The following SLC9A9 variants were observed in gnomAD, a reference collection of about 807,000 sequenced individuals.
SLC9A9 encodes the protein sodium/hydrogen exchanger 9.
SLC9A9 carries 62 observed loss-of-function variants against 77.8 expected under a neutral mutation model. The ratio of observed to expected loss-of-function variants is 0.80; its 90% CI spans 0.65 to 0.98. The LOEUF (loss-of-function observed/expected upper bound fraction) is 0.98. Ranked by LOEUF, SLC9A9 falls within the 50% of genes least tolerant of loss-of-function variation. SLC9A9 has a pLI of 0.00. For synonymous variants in SLC9A9, 320 were observed against 283.5 expected, an observed-to-expected ratio of 1.13 and a Z score of -1.29; for missense variants, 775 against 774.9, an observed-to-expected ratio of 1.00 and a Z score of 0.00.
rs534235410 is a variant in SLC9A9 at position 143,363,410 on chromosome 3, C to T, written c.1604+74G>A. On this transcript the variant is annotated intron_variant, in intron 14 of 15. Transcript: ENST00000316549. ...GTTTCTTGAAGAGCAGGAGTGCACACTTCAATGATTAAGAGCTTAAAGTAA... is the reference window on the plus strand; with the variant it reads ...GTTTCTTGAAGAGCAGGAGTGCACATTTCAATGATTAAGAGCTTAAAGTAA... 3.6e-6 allele frequency: 5 copies of T among 1,383,894 alleles called. No homozygotes were observed. The East Asian group carries it at 7.0e-5, about 19-fold the overall frequency. The allele number at this position is 1,383,894 out of a possible 1,614,324, so 85.7% of individuals were successfully genotyped here. A position where few individuals can be genotyped will look rare whatever the true frequency, so the allele number is the denominator to read the frequency against.
chr3:143,738,281 C>T (rs112992422), intron 4 of SLC9A9, among the ~76,000 whole-genome samples: 1,556 of 152,212 alleles, frequency 0.01, 21 homozygotes, highest in African/African-American at 0.035. Flanking sequence ...AGGGCAGTAC[C>T]GGATAGTCAC....
At chr3:143,475,255 C>T (rs373948823) in intron 11 of SLC9A9, among the ~76,000 whole-genome samples, 6 of 152,010 alleles carry the variant, frequency 3.9e-5, no homozygotes, top group South Asian at 4.2e-4. Context: ...GCGTGAGCCA[C>T]TGTGCCTGGC....
intron 12 of SLC9A9, among the ~76,000 whole-genome samples, chr3:143,438,283 G>C (rs2034663190): frequency 6.6e-6 from 1 of 152,180 alleles, no homozygotes; most frequent in Non-Finnish European, 1.5e-5. Context: ...GGAGGCAGTG[G>C]GGAGCTCAGT....
intron 2 of SLC9A9, 44 bp from the exon 3 acceptor site, chr3:143,796,947 G>C (rs1479575815): frequency 6.8e-7 from 1 of 1,463,872 alleles, no homozygotes; most frequent in Non-Finnish European, 9.5e-7. Flanking sequence ...ATGCTCCTTT[G>C]GGTCATTAAA....
intron 11 of SLC9A9, among the ~76,000 whole-genome samples, chr3:143,476,464 T>A (rs116468301): frequency 1.6e-3 from 250 of 152,370 alleles, no homozygotes; most frequent in African/African-American, 4.9e-3. Flanking sequence ...TAAATAGGAT[T>A]AGCTCTGTCA....
At chr3:143,839,505 CA>C (rs2009653453) in intron 1 of SLC9A9, among the ~76,000 whole-genome samples, 2 of 3,802 alleles carry the variant, frequency 5.3e-4, no homozygotes, top group Non-Finnish European at 0.02. Flanking sequence ...CACACATACA[CA>C]CACACACACA....
chr3:143,568,791 C>T (rs929480170), intron 8 of SLC9A9, among the ~76,000 whole-genome samples: 1 of 152,104 alleles, frequency 6.6e-6, no homozygotes, highest in Non-Finnish European at 1.5e-5. Flanking sequence ...TAACTTCTGC[C>T]CATTAATCCT....
intron 9 of SLC9A9, among the ~76,000 whole-genome samples, chr3:143,550,972 CTT>C (rs1292621898): frequency 6.6e-6 from 1 of 152,214 alleles, no homozygotes; most frequent in Non-Finnish European, 1.5e-5. Context: ...CAAAATGTGA[CTT>C]TACTTGGAAA....
At chr3:143,458,598 T>C (rs1044214016) in intron 12 of SLC9A9, among the ~76,000 whole-genome samples, 1 of 152,114 alleles carries the variant, frequency 6.6e-6, no homozygotes, top group Non-Finnish European at 1.5e-5. Flanking sequence ...ATTGTGTATG[T>C]GTTTTAGTGG....
intron 14 of SLC9A9, among the ~76,000 whole-genome samples, chr3:143,330,131 CT>C (rs1250771580): frequency 1.3e-5 from 2 of 152,202 alleles, no homozygotes; most frequent in Non-Finnish European, 2.9e-5. Flanking sequence ...GACCCGATCA[CT>C]GCCGGCCAGA....
At chr3:143,697,471 A>G (rs1933674300) in intron 4 of SLC9A9, among the ~76,000 whole-genome samples, 1 of 152,176 alleles carries the variant, frequency 6.6e-6, no homozygotes. Context: ...TCATTGTGTT[A>G]CTTAATCCTC....
chr3:143,342,176 A>C (rs970926164), intron 14 of SLC9A9: 1 of 152,184 alleles, frequency 6.6e-6, no homozygotes, highest in African/African-American at 2.4e-5. Context: ...CAATGAAACA[A>C]ACATTAGAGC....
intron 14 of SLC9A9, among the ~76,000 whole-genome samples, chr3:143,313,951 C>T (rs1219484377): frequency 6.6e-6 from 1 of 152,170 alleles, no homozygotes; most frequent in Admixed American, 6.5e-5. Flanking sequence ...GCTGCCCATG[C>T]CCCCCATAGC....
At chr3:143,387,592 A>T (rs1016335009) in intron 12 of SLC9A9, among the ~76,000 whole-genome samples, 8 of 152,148 alleles carry the variant, frequency 5.3e-5, no homozygotes, top group African/African-American at 1.9e-4. Context: ...AGCATTGCAC[A>T]TATTCCCAGC....
chr3:143,560,465 CA>C (rs1559967988), intron 8 of SLC9A9, among the ~76,000 whole-genome samples: 5 of 151,876 alleles, frequency 3.3e-5, no homozygotes, highest in African/African-American at 1.2e-4. Flanking sequence ...TTGCTAATTT[CA>C]AAAAATGTTT....
At chr3:143,608,582 C>G (rs1043866225) in intron 6 of SLC9A9, among the ~76,000 whole-genome samples, 14 of 152,140 alleles carry the variant, frequency 9.2e-5, no homozygotes, top group African/African-American at 3.4e-4. Flanking sequence ...ATTCTTAGTT[C>G]TTTAATATCC....
At chr3:143,741,503 C>T (rs1935071780) in intron 4 of SLC9A9, among the ~76,000 whole-genome samples, 1 of 152,116 alleles carries the variant, frequency 6.6e-6, no homozygotes, top group Non-Finnish European at 1.5e-5. Context: ...GAAGATGTTT[C>T]TTAAATGCAG....
chr3:143,395,704 CG>C (rs1278592828), intron 12 of SLC9A9, among the ~76,000 whole-genome samples: 1 of 152,164 alleles, frequency 6.6e-6, no homozygotes. Context: ...AGTCATCTGA[CG>C]AAGGGCTAAT....
At chr3:143,359,246 G>T (rs531031925) in intron 14 of SLC9A9, among the ~76,000 whole-genome samples, 1 of 152,272 alleles carries the variant, frequency 6.6e-6, no homozygotes, top group East Asian at 1.9e-4. Flanking sequence ...TCCACTCCCT[G>T]CCAGGCATTG....
Sources: gnomAD v4.1 joint callset for allele counts (sites outside exome capture counted in the v4.1 genomes callset) on GRCh38, gnomAD v4.1.1 for gene constraint, MANE v1.5 for transcripts, NCBI Gene and HGNC (gene_info 2026-07-23, HGNC 2026-07-21) for gene names.